The following SUGCT variants were observed in gnomAD, a reference collection of about 807,000 sequenced individuals.
SUGCT encodes the protein succinyl-CoA:glutarate CoA-transferase.
SUGCT carries 41 observed loss-of-function variants against 55.0 expected under a neutral mutation model. The observed-to-expected ratio is 0.74, with a 90% confidence interval of 0.58 to 0.97. The LOEUF (loss-of-function observed/expected upper bound fraction) is 0.97. SUGCT is among the 50% of genes least tolerant of loss of function. The probability of loss-of-function intolerance (pLI) is 0.00; values close to 1 mark genes in which losing one functional copy is unlikely to be tolerated. For synonymous variants in SUGCT, 187 were observed against 200.4 expected (o/e 0.93, Z 0.56); for missense variants, 568 against 547.8 (o/e 1.04, Z -0.37).
intron 13 of SUGCT, among the ~76,000 whole-genome samples, chr7:40,830,689 A>G (rs993622260): frequency 1.3e-5 from 2 of 152,128 alleles, no homozygotes; most frequent in Admixed American, 1.3e-4. Context: ...CTCAACACAC[A>G]TTTGTCAAAA....
the SUGCT span, among the ~76,000 whole-genome samples, chr7:41,020,004 T>TTTGCCTTTATGTTGGTGAA: frequency 6.6e-6 from 1 of 152,204 alleles, no homozygotes; most frequent in Non-Finnish European, 1.5e-5. Flanking sequence ...AAGGTCCTAT[T>TTTGCCTTTATGTTGGTGAA]TTGCCAACTC....
intron 11 of SUGCT, among the ~76,000 whole-genome samples, chr7:40,472,467 G>A (rs1226571680): frequency 6.6e-6 from 1 of 152,146 alleles, no homozygotes. Context: ...AAAGAAGGAA[G>A]TAAAGCTAAT....
At chr7:40,393,082 G>C (rs1785530929) in intron 9 of SUGCT, among the ~76,000 whole-genome samples, 1 of 152,132 alleles carries the variant, frequency 6.6e-6, no homozygotes, top group African/African-American at 2.4e-5. Flanking sequence ...CAGAGATTTG[G>C]GGTGGAAACA....
intron 13 of SUGCT, among the ~76,000 whole-genome samples, chr7:40,853,864 G>C (rs1265834662): frequency 6.6e-6 from 1 of 152,210 alleles, no homozygotes; most frequent in East Asian, 1.9e-4. Flanking sequence ...AAGAAAGAAT[G>C]CTTGCCATTG....
chr7:40,823,404 A>G (rs1411817743), intron 13 of SUGCT, among the ~76,000 whole-genome samples: 5 of 152,158 alleles, frequency 3.3e-5, no homozygotes, highest in Admixed American at 3.3e-4. Context: ...TTTCATTTAA[A>G]AATAGATCCA....
the SUGCT span, among the ~76,000 whole-genome samples, chr7:40,890,064 T>C: frequency 6.6e-6 from 1 of 151,772 alleles, no homozygotes; most frequent in African/African-American, 2.4e-5. Flanking sequence ...TGAGCACTGA[T>C]TCAATCATTG....
intron 12 of SUGCT, among the ~76,000 whole-genome samples, chr7:40,730,342 A>T (rs947895679): frequency 6.6e-6 from 1 of 152,140 alleles, no homozygotes; most frequent in African/African-American, 2.4e-5. Context: ...CCTGACCTCA[A>T]GTGATCCACC....
chr7:40,911,663 G>A, the SUGCT span, among the ~76,000 whole-genome samples: 1 of 151,908 alleles, frequency 6.6e-6, no homozygotes, highest in African/African-American at 2.4e-5. Context: ...AGGATGTTTG[G>A]CAGCATTACT....
At chr7:40,582,273 G>A (rs1283973212) in intron 12 of SUGCT, among the ~76,000 whole-genome samples, 2 of 152,180 alleles carry the variant, frequency 1.3e-5, no homozygotes, top group Non-Finnish European at 2.9e-5. Context: ...GCAGTACGGT[G>A]AAGTGCATAT....
chr7:40,490,405 C>G (rs983743260), intron 11 of SUGCT, among the ~76,000 whole-genome samples: 23 of 152,220 alleles, frequency 1.5e-4, no homozygotes, highest in African/African-American at 5.1e-4. Context: ...GGTGGGGAAC[C>G]TGAATGTCTG....
intron 12 of SUGCT, among the ~76,000 whole-genome samples, chr7:40,649,188 TA>T (rs756795140): frequency 9.2e-5 from 14 of 152,170 alleles, no homozygotes; most frequent in African/African-American, 1.9e-4. Flanking sequence ...TTTTTCAAAA[TA>T]TTTTTTTTCC....
chr7:40,188,716 C>G, intron 4 of SUGCT, 136 bp downstream of exon 4: 1 of 554,152 alleles, frequency 1.8e-6, no homozygotes, highest in Non-Finnish European at 3.1e-6. Context: ...AATTAAAATT[C>G]TATTCATTTA....
chr7:40,745,434 A>G (rs1025325056), intron 12 of SUGCT, among the ~76,000 whole-genome samples: 4 of 151,918 alleles, frequency 2.6e-5, no homozygotes, highest in Non-Finnish European at 5.9e-5. Flanking sequence ...TTAAACTTTT[A>G]TTTCCCACGT....
At chr7:40,977,511 A>G in the SUGCT span, among the ~76,000 whole-genome samples, 1 of 152,196 alleles carries the variant, frequency 6.6e-6, no homozygotes. Flanking sequence ...GCTATAGGAA[A>G]AAGAATATGA....
At chr7:40,942,179 G>A in the SUGCT span, among the ~76,000 whole-genome samples, 11 of 152,190 alleles carry the variant, frequency 7.2e-5, no homozygotes, top group African/African-American at 2.4e-4. Flanking sequence ...GCTTTCAAGA[G>A]GTTCTATTCT....
intron 12 of SUGCT, among the ~76,000 whole-genome samples, chr7:40,610,278 A>C (rs1179070702): frequency 6.6e-6 from 1 of 152,226 alleles, no homozygotes; most frequent in Non-Finnish European, 1.5e-5. Context: ...ATTTTTGAAT[A>C]ATCATTTACA....
the SUGCT span, among the ~76,000 whole-genome samples, chr7:40,995,382 GTTA>G: frequency 1.3e-3 from 194 of 145,576 alleles, 3 homozygotes; most frequent in East Asian, 0.026. Context: ...TATAATAGCT[GTTA>G]TTATTATTAT....
the SUGCT span, among the ~76,000 whole-genome samples, chr7:40,984,370 A>G: frequency 8.5e-5 from 13 of 152,198 alleles, no homozygotes; most frequent in East Asian, 7.7e-4. Context: ...TCTAAAAAAG[A>G]TAACAGTGGA....
chr7:40,755,634 C>G (rs1261249438), intron 13 of SUGCT, among the ~76,000 whole-genome samples: 1 of 152,184 alleles, frequency 6.6e-6, no homozygotes, highest in Non-Finnish European at 1.5e-5. Flanking sequence ...AGCATTGGTG[C>G]TGAGTGCCAA....
Sources: allele counts gnomAD v4.1 joint callset (sites outside exome capture counted in the v4.1 genomes callset), GRCh38; gene constraint gnomAD v4.1.1; transcripts MANE v1.5; gene names NCBI Gene and HGNC (gene_info 2026-07-23, HGNC 2026-07-21).